Variants in ACER1 observed in about 807,000 individuals in gnomAD.
The protein encoded by ACER1 is CTB-180A7.3.
A neutral mutation model predicts 24.9 loss-of-function variants in ACER1; 28 were observed. The observed-to-expected ratio is 1.13, with a 90% CI of 0.83 to 1.54. The LOEUF (loss-of-function observed/expected upper bound fraction) is 1.54, where lower values mean the gene tolerates loss of function less well. ACER1 is among the 40% of genes most tolerant of loss of function. The pLI is 0.00. For missense variants in ACER1, 352 were observed against 349.3 expected (o/e 1.01, Z -0.06); for synonymous variants, 132 against 131.4 (o/e 1.00, Z -0.03).
intron 1 of ACER1, among the ~76,000 whole-genome samples, chr19:6,321,544 T>G (rs550658723): frequency 1.3e-5 from 2 of 152,284 alleles, no homozygotes; most frequent in African/African-American, 4.8e-5. Flanking sequence ...TATTTTCTTC[T>G]TCTCCATCCC....
At position 6,312,281 on chromosome 19, in the gene ACER1, G is replaced by C. The variant is rs779141521; in HGVS notation, c.218C>G (p.Ser73Cys). The change falls in exon 3 of 6, where the codon TCC becomes TGC. Residue 73 changes from serine (S) to cysteine (C), a missense_variant. By Grantham distance (112) the Ser-to-Cys change is moderately radical. Transcript: ENST00000301452. ...GCTGAGCGTCATGTGGAAATACATG[G>C]AGAACAGGCCTGCAGCGGCAAGGGC... ...WVLFMIIGLFSMYFHMTLSFL... is the reference protein window; with the variant it reads ...WVLFMIIGLFCMYFHMTLSFL... 2 of 1,614,114 alleles carry C rather than the reference G, an allele frequency of 1.2e-6. No individual in the cohort carries two copies. The highest frequency in any genetic ancestry group is 1.1e-5 in the South Asian group (1 of 91,074).
At chr19:6,359,635 T>C in the ACER1 span, among the ~76,000 whole-genome samples, 13 of 152,194 alleles carry the variant, frequency 8.5e-5, no homozygotes, top group African/African-American at 2.9e-4. Context: ...TCTGCTGTGA[T>C]TCGAAGGACT....
chr19:6,352,523 A>T, the ACER1 span, among the ~76,000 whole-genome samples: 1,761 of 152,322 alleles, frequency 0.012, 37 homozygotes, highest in African/African-American at 0.039. Flanking sequence ...TTCTCAAATT[A>T]TGAGAAATGA....
chr19:6,333,464 T>C lies in ACER1; in HGVS notation c.88A>G (p.Asn30Asp). 6.3e-7 allele frequency: 1 copy of C among 1,588,904 alleles called. No homozygotes were observed. The highest frequency in any genetic ancestry group is 8.6e-7 in the Non-Finnish European group (1 of 1,166,796). ...QYSELVAEFY[N>D]TFSNIPFFIF... ...TCACACACCCACGCACTCACCGTGTTGTAGAACTCGGCCACCAGCTCCGAG... is the reference window on the plus strand; with the variant it reads ...TCACACACCCACGCACTCACCGTGTCGTAGAACTCGGCCACCAGCTCCGAG... Residue 30 changes from asparagine (N) to aspartate (D), a missense_variant, in exon 1 of 6, where the codon AAC becomes GAC. Physicochemically the swap from Asn to Asp is conservative, Grantham distance 23. Transcript: ENST00000301452.
chr19:6,348,758 A>G, the ACER1 span, among the ~76,000 whole-genome samples: 2 of 152,010 alleles, frequency 1.3e-5, no homozygotes, highest in African/African-American at 4.8e-5. Flanking sequence ...CACAGTTGTC[A>G]AAGAAAGAAG....
intron 1 of ACER1, among the ~76,000 whole-genome samples, chr19:6,314,433 G>C (rs1025615768): frequency 6.7e-6 from 1 of 148,282 alleles, no homozygotes; most frequent in Non-Finnish European, 1.5e-5. Context: ...TCACGCCATC[G>C]CACTCCAGCC....
chr19:6,312,022 C>T, intron 3 of ACER1, 127 bp downstream of exon 3: 1 of 1,294,822 alleles, frequency 7.7e-7, no homozygotes, highest in Non-Finnish European at 1.0e-6. Context: ...CCGAAGTGGT[C>T]AGGGGAGGAA....
At chr19:6,328,939 T>G (rs1376250812) in intron 1 of ACER1, among the ~76,000 whole-genome samples, 1 of 151,890 alleles carries the variant, frequency 6.6e-6, no homozygotes, top group Non-Finnish European at 1.5e-5. Flanking sequence ...CCTTCCAAAG[T>G]GCTGGGATTA....
At chr19:6,359,640 A>G in the ACER1 span, among the ~76,000 whole-genome samples, 19 of 152,198 alleles carry the variant, frequency 1.2e-4, 1 homozygote, top group South Asian at 1.0e-3. Flanking sequence ...TGTGATTCGA[A>G]GGACTGCCCC....
At chr19:6,328,869 T>C (rs2145017076) in intron 1 of ACER1, among the ~76,000 whole-genome samples, 1 of 151,978 alleles carries the variant, frequency 6.6e-6, no homozygotes, top group African/African-American at 2.4e-5. Context: ...GAGATGGGGT[T>C]TCATCGTGTT....
Position 6,312,248 on chromosome 19 carries a change from C to T in ACER1, c.251G>A (p.Gly84Asp), listed in dbSNP as rs202195772. ...MYFHMTLSFL[G>D]QLLDEIAILW... ...GATGGCGATCTCGTCCAGCAGCTGG[C>T]CCAGGAAGCTGAGCGTCATGTGGAA... Residue 84 changes from glycine to aspartate, a missense_variant, in exon 3 of 6, where the codon GGC becomes GAC. Transcript: ENST00000301452. 45 of 1,614,050 alleles carry T rather than the reference C, an allele frequency of 2.8e-5. No homozygotes were observed. The African/African-American group carries it at 5.6e-4, about 20-fold the overall frequency.
chr19:6,329,247 T>C (rs1288377007), intron 1 of ACER1, among the ~76,000 whole-genome samples: 1 of 151,962 alleles, frequency 6.6e-6, no homozygotes, highest in Non-Finnish European at 1.5e-5. Context: ...AGCTATGGGT[T>C]TGGGATACTC....
At chr19:6,333,267 C>A (rs2091697492) in intron 1 of ACER1, among the ~76,000 whole-genome samples, 192 bp downstream of exon 1, 1 of 152,130 alleles carries the variant, frequency 6.6e-6, no homozygotes, top group Non-Finnish European at 1.5e-5. Flanking sequence ...TCTCCAAAAC[C>A]TACCACAGAG....
chr19:6,345,709 C>T, the ACER1 span, among the ~76,000 whole-genome samples: 1 of 151,456 alleles, frequency 6.6e-6, no homozygotes, highest in African/African-American at 2.4e-5. Flanking sequence ...GGATTACAGG[C>T]GCGCACGACC....
intron 4 of ACER1, among the ~76,000 whole-genome samples, chr19:6,309,298 C>T (rs1568307788): frequency 2.0e-5 from 3 of 152,124 alleles, no homozygotes; most frequent in South Asian, 4.2e-4. Context: ...GTGGGTGGAT[C>T]GCTTGAGCCC....
At chr19:6,331,530 ACGCCTGT>A (rs1414440817) in intron 1 of ACER1, among the ~76,000 whole-genome samples, 2 of 148,478 alleles carry the variant, frequency 1.3e-5, no homozygotes, top group African/African-American at 4.9e-5. Flanking sequence ...GCCGTGGCTC[ACGCCTGT>A]AATCCCAGCA....
At chr19:6,345,554 G>A in the ACER1 span, among the ~76,000 whole-genome samples, 1 of 147,542 alleles carries the variant, frequency 6.8e-6, no homozygotes, top group African/African-American at 2.6e-5. Flanking sequence ...CAGATCATCA[G>A]GTATTAGATT....
intron 1 of ACER1, among the ~76,000 whole-genome samples, chr19:6,313,037 A>T (rs1240480299): frequency 1.3e-5 from 2 of 152,152 alleles, no homozygotes; most frequent in Non-Finnish European, 2.9e-5. Context: ...TCGATCCGTT[A>T]TTGGTTCATT....
the ACER1 span, among the ~76,000 whole-genome samples, chr19:6,346,502 CTTCTT>C: frequency 1.3e-5 from 2 of 150,378 alleles, no homozygotes; most frequent in Admixed American, 1.3e-4. Flanking sequence ...CCTTCTTCTT[CTTCTT>C]TTTTTTCTTT....
Sources: gnomAD v4.1 joint callset for allele counts (sites outside exome capture counted in the v4.1 genomes callset) on GRCh38, gnomAD v4.1.1 for gene constraint, MANE v1.5 for transcripts, NCBI Gene and HGNC (gene_info 2026-07-23, HGNC 2026-07-21) for gene names.